The following SPEF2 variants were observed in gnomAD, a reference collection of about 807,000 sequenced individuals.
The protein encoded by SPEF2 is sperm flagella and cilia-associated protein 2.
In SPEF2, 187 loss-of-function variants were observed where a neutral mutation model predicts 224.6. The observed-to-expected ratio is 0.83, with a 90% CI of 0.74 to 0.94. The LOEUF is 0.94. Ranked by LOEUF, SPEF2 falls within the 40% of genes least tolerant of loss-of-function variation. The pLI is 0.00. For missense variants in SPEF2, 2,170 were observed against 2,135.6 expected, an observed-to-expected ratio of 1.02 and a Z score of -0.32; for synonymous variants, 715 against 707.3, an observed-to-expected ratio of 1.01 and a Z score of -0.17.
At position 35,795,731 on chromosome 5, in the gene SPEF2, A is replaced by C. The variant is rs1756574061; in HGVS notation, c.4766A>C (p.Asp1589Ala). 14 of 1,614,066 alleles carry C rather than the reference A, an allele frequency of 8.7e-6. No homozygotes were observed. Among genetic ancestry groups the C allele is most frequent in the Non-Finnish European group, 1.2e-5 (14 of 1,179,926 alleles). ...GGTCTGTGGTTTACAGGAGATGAAG[A>C]TATAAAAATTCCAGAAAATCCTCTT... is the stretch of plus-strand genomic sequence containing the variant. Reference protein sequence around the residue: ...QAGLWFTGDEDIKIPENPLEP... With the variant: ...QAGLWFTGDEAIKIPENPLEP... The change falls in exon 33 of 37, where the codon GAT (aspartate) becomes GCT (alanine). Residue 1589 changes from aspartate to alanine, a missense_variant. By Grantham distance (126) the Asp-to-Ala change is moderately radical (BLOSUM62 -2). Coordinates refer to ENST00000356031, the MANE Select transcript of SPEF2 (RefSeq NM_024867.4).
chr5:35,798,560 GCT>G (rs1233821778), intron 33 of SPEF2, among the ~76,000 whole-genome samples: 1 of 151,908 alleles, frequency 6.6e-6, no homozygotes, highest in African/African-American at 2.4e-5. Context: ...TCCTTGGCCT[GCT>G]CTTTTTTCTG....
chr5:35,686,945 T>G (rs565584753), intron 10 of SPEF2, among the ~76,000 whole-genome samples: 56 of 151,904 alleles, frequency 3.7e-4, no homozygotes, highest in African/African-American at 1.3e-3. Flanking sequence ...TTATGTGTGT[T>G]TGTGTGTGTG....
chr5:35,793,410 T>C (rs1339489598), intron 32 of SPEF2, 69 bp downstream of exon 32: 5 of 1,494,002 alleles, frequency 3.3e-6, no homozygotes, highest in Admixed American at 3.9e-5. Context: ...AATTACTCAA[T>C]GATGTTACAT....
intron 33 of SPEF2, among the ~76,000 whole-genome samples, chr5:35,798,398 G>C (rs1375567396): frequency 6.6e-6 from 1 of 152,052 alleles, no homozygotes; most frequent in Non-Finnish European, 1.5e-5. Flanking sequence ...CCCGACCTTG[G>C]GAGTTCAGCC....
intron 20 of SPEF2, among the ~76,000 whole-genome samples, chr5:35,718,168 A>C (rs1037799833): frequency 2.0e-5 from 3 of 152,200 alleles, no homozygotes; most frequent in African/African-American, 7.2e-5. Flanking sequence ...ACTGGTTAAA[A>C]AAACTCTACT....
chr5:35,673,546 C>T (rs900588231), intron 10 of SPEF2, among the ~76,000 whole-genome samples: 2 of 152,190 alleles, frequency 1.3e-5, no homozygotes, highest in African/African-American at 4.8e-5. Context: ...ATTTTCAGAG[C>T]TCTACTGTGC....
chr5:35,780,544 T>A (rs1754188647), intron 30 of SPEF2, among the ~76,000 whole-genome samples: 2 of 152,132 alleles, frequency 1.3e-5, no homozygotes, highest in South Asian at 4.1e-4. Flanking sequence ...GTACAAAAAA[T>A]CTCGACTTTA....
chr5:35,772,001 T>G (rs192551904), intron 27 of SPEF2, among the ~76,000 whole-genome samples: 1 of 152,214 alleles, frequency 6.6e-6, no homozygotes, highest in Admixed American at 6.5e-5. Context: ...TCAAAGACAG[T>G]TTTGAAATGT....
chr5:35,678,818 T>G (rs1424447090), intron 10 of SPEF2: 1 of 152,234 alleles, frequency 6.6e-6, no homozygotes, highest in East Asian at 1.9e-4. Flanking sequence ...CACTGTCACC[T>G]GGCTATCAAA....
At chr5:35,637,464 A>T (rs1314841316) in intron 2 of SPEF2, among the ~76,000 whole-genome samples, 1 of 152,134 alleles carries the variant, frequency 6.6e-6, no homozygotes, top group Non-Finnish European at 1.5e-5. Flanking sequence ...ATGAAGCTGC[A>T]CCTGTGTTAT....
chr5:35,703,430 G>A (rs185194186), intron 16 of SPEF2, among the ~76,000 whole-genome samples: 1 of 152,278 alleles, frequency 6.6e-6, no homozygotes, highest in African/African-American at 2.4e-5. Context: ...GGGACTGGAT[G>A]CTAGTGAAGA....
rs1041435962 is a variant in SPEF2 at position 35,669,997 on chromosome 5, AAT to A, written c.1356-61_1356-60del. ...ATTACATAAATATAATAAAAATACC[AAT>A]GTTTAAAATCTATATTTGACTAACC... On this transcript the variant is annotated intron_variant, in intron 9 of 36. Transcript: ENST00000356031. 117 of 1,275,662 alleles carry A rather than the reference AAT, an allele frequency of 9.2e-5. No individual in the cohort carries two copies. In the African/African-American group the frequency reaches 1.7e-3, roughly 19 times the overall value. The allele number at this position is 1,275,662 out of a possible 1,614,324, so 79.0% of individuals were successfully genotyped here.
intron 11 of SPEF2, among the ~76,000 whole-genome samples, chr5:35,691,766 T>A (rs1355363020): frequency 6.6e-6 from 1 of 151,974 alleles, no homozygotes; most frequent in Non-Finnish European, 1.5e-5. Flanking sequence ...TTTATGAATT[T>A]TATCACAATT....
chr5:35,739,941 C>T lies in SPEF2; in HGVS notation c.3086C>T (p.Pro1029Leu), dbSNP rs765188408. ...VPEEMPLFLV[P>L]YWELIENSYI... The stretch of plus-strand genomic sequence containing the variant: ...CAGGAAATGCCTTTGTTTTTAGTAC[C>T]TTACTGGGAACTAATAGAAAATTCC... The change falls in exon 22 of 37, where the codon CCT becomes CTT. Residue 1029 changes from proline (P) to leucine (L), a missense_variant. By Grantham distance (98) the Pro-to-Leu change is moderately conservative. Coordinates refer to ENST00000356031, the MANE Select transcript of SPEF2 (RefSeq NM_024867.4). The T allele has an allele frequency of 2.5e-6, 4 of 1,613,590 alleles. No homozygotes were observed. The African/African-American group carries it at 5.3e-5, about 22-fold the overall frequency.
intron 6 of SPEF2, 41 bp from the exon 7 acceptor site, chr5:35,654,499 A>C (rs775007006): frequency 6.8e-6 from 10 of 1,469,864 alleles, no homozygotes; most frequent in Non-Finnish European, 9.1e-6. Flanking sequence ...ATGGGATCAC[A>C]TTATTATTTA....
At chr5:35,731,796 T>G (rs1174899136) in intron 21 of SPEF2, among the ~76,000 whole-genome samples, 1 of 152,300 alleles carries the variant, frequency 6.6e-6, no homozygotes, top group South Asian at 2.1e-4. Flanking sequence ...ACTATTTAAT[T>G]GCAAAGTACA....
intron 26 of SPEF2, among the ~76,000 whole-genome samples, chr5:35,765,152 A>G (rs1751921568): frequency 2.0e-5 from 3 of 152,146 alleles, no homozygotes; most frequent in Non-Finnish European, 4.4e-5. Flanking sequence ...CCAAGTCTAT[A>G]GCTCTAAACA....
chr5:35,810,982 T>C (rs1211360652), intron 36 of SPEF2, among the ~76,000 whole-genome samples: 1 of 152,106 alleles, frequency 6.6e-6, no homozygotes, highest in African/African-American at 2.4e-5. Flanking sequence ...CTCATTTGTA[T>C]GATGGTCCAT....
chr5:35,807,923 C>T, intron 36 of SPEF2: 1 of 1,417,136 alleles, frequency 7.1e-7, no homozygotes, highest in South Asian at 1.6e-5. Flanking sequence ...TACTGTAGCA[C>T]TACATCCCTC....
Sources: gnomAD v4.1 joint callset for allele counts (sites outside exome capture counted in the v4.1 genomes callset) on GRCh38, gnomAD v4.1.1 for gene constraint, MANE v1.5 for transcripts, NCBI Gene and HGNC (gene_info 2026-07-23, HGNC 2026-07-21) for gene names.